PCDHA2: variants seen among roughly 807,000 people sequenced by gnomAD.
PCDHA2 encodes the protein protocadherin alpha-2.
Under a neutral mutation model 66.0 loss-of-function variants are expected in PCDHA2, and 58 were observed. The ratio of observed to expected loss-of-function variants is 0.88; its 90% CI spans 0.71 to 1.09. The LOEUF is 1.09. Ranked by LOEUF, PCDHA2 falls within the 50% of genes least tolerant of loss-of-function variation. The pLI is 0.00. For missense variants in PCDHA2, 1,267 were observed against 1,242.3 expected (o/e 1.02, Z -0.30); for synonymous variants, 634 against 554.0 (o/e 1.14, Z -2.03).
chr5:140,935,144 A>C (rs1289868558), intron 1 of PCDHA2, among the ~76,000 whole-genome samples: 1 of 152,184 alleles, frequency 6.6e-6, no homozygotes, highest in Non-Finnish European at 1.5e-5. Flanking sequence ...TGATACTTAG[A>C]GATATAATCT....
At chr5:140,910,028 T>C (rs1402911275) in intron 1 of PCDHA2, among the ~76,000 whole-genome samples, 4 of 152,222 alleles carry the variant, frequency 2.6e-5, no homozygotes, top group African/African-American at 9.6e-5. Flanking sequence ...ATCCCTGGGA[T>C]AAATCCCACT....
intron 3 of PCDHA2, among the ~76,000 whole-genome samples, chr5:141,004,049 A>T (rs1372116883): frequency 6.6e-6 from 1 of 152,208 alleles, no homozygotes; most frequent in African/African-American, 2.4e-5. Flanking sequence ...TCATTTGCTG[A>T]TACTGGCCCC....
In PCDHA2 at chr5:141,009,947, A is replaced by G; in HGVS notation, c.*10A>G. On this transcript the variant is annotated 3_prime_UTR_variant, in exon 4 of 4. Coordinates refer to ENST00000526136, the MANE Select transcript of PCDHA2 (RefSeq NM_018905.3). ...CAACAGTGACCAGTGAGGTCCTCAAATGGAAACAAGCCACTTAGCCAGTTT... is the reference window on the plus strand; with the variant it reads ...CAACAGTGACCAGTGAGGTCCTCAAGTGGAAACAAGCCACTTAGCCAGTTT... The G allele has an allele frequency of 1.9e-6, 3 of 1,596,272 alleles. No individual in the cohort carries two copies. The South Asian group carries it at 3.4e-5, about 18-fold the overall frequency.
intron 1 of PCDHA2, chr5:140,856,217 G>C: frequency 6.3e-7 from 1 of 1,598,130 alleles, no homozygotes; most frequent in Non-Finnish European, 8.6e-7. Flanking sequence ...GGAGCTGGCG[G>C]AGCTGGTGCA....
intron 1 of PCDHA2, chr5:140,829,395 T>C (rs1554131925): frequency 3.7e-6 from 6 of 1,614,052 alleles, no homozygotes; most frequent in Non-Finnish European, 5.1e-6. Flanking sequence ...TCGCCTTCGC[T>C]GTGGGCCACC....
chr5:140,864,279 T>C (rs1554158753), intron 1 of PCDHA2: 1 of 152,238 alleles, frequency 6.6e-6, no homozygotes, highest in African/African-American at 2.4e-5. Context: ...CCATTCCTTA[T>C]TGTTTTTATG....
In PCDHA2 at chr5:140,858,544, T is replaced by C. The variant is rs782004922; in HGVS notation, c.2388+61192T>C. ...ATATTTCATTTTTGTCTACATTCCA[T>C]TTATGCTTGAATATTTCTAGTGATA... On this transcript the variant is annotated intron_variant, in intron 1 of 3. Transcript: ENST00000526136. 5 of 1,398,226 alleles carry C rather than the reference T, an allele frequency of 3.6e-6. No homozygotes were observed. The South Asian group carries it at 5.0e-5, about 14-fold the overall frequency. 86.6% of individuals were successfully genotyped at this position (1,398,226 alleles called of 1,614,324 possible). A position where few individuals can be genotyped will look rare whatever the true frequency, so the allele number is the denominator to read the frequency against.
At chr5:140,956,629 G>A (rs1554222520) in intron 1 of PCDHA2, among the ~76,000 whole-genome samples, 1 of 152,060 alleles carries the variant, frequency 6.6e-6, no homozygotes, top group Non-Finnish European at 1.5e-5. Flanking sequence ...TTGCATCTCT[G>A]CCAGGTTTTG....
chr5:140,866,542 C>T (rs533433206), intron 1 of PCDHA2: 19 of 152,230 alleles, frequency 1.2e-4, no homozygotes, highest in African/African-American at 3.4e-4. Context: ...ATTAGCATCA[C>T]GGAATAAATC....
intron 3 of PCDHA2, among the ~76,000 whole-genome samples, chr5:141,005,573 G>A (rs947306752): frequency 4.0e-5 from 6 of 151,140 alleles, no homozygotes; most frequent in Admixed American, 1.3e-4. Context: ...ATGGTGGCGC[G>A]TGCCTGTAGT....
At chr5:140,939,672 A>T (rs573857311) in intron 1 of PCDHA2, among the ~76,000 whole-genome samples, 1 of 152,314 alleles carries the variant, frequency 6.6e-6, no homozygotes, top group Non-Finnish European at 1.5e-5. Context: ...ACCAACTTGT[A>T]TGTATGTGTG....
At chr5:140,803,653 C>T (rs781810632) in intron 1 of PCDHA2, 2 of 1,610,548 alleles carry the variant, frequency 1.2e-6, no homozygotes, top group Non-Finnish European at 1.7e-6. Flanking sequence ...AATGTTTCCA[C>T]TCCTCTGGAA....
chr5:140,898,733 A>C (rs1401773719), intron 1 of PCDHA2, among the ~76,000 whole-genome samples: 1 of 152,154 alleles, frequency 6.6e-6, no homozygotes, highest in Non-Finnish European at 1.5e-5. Flanking sequence ...GAAGAAAGTC[A>C]TTGGTAGCTT....
At chr5:140,842,393 C>T in intron 1 of PCDHA2, 4 of 1,611,054 alleles carry the variant, frequency 2.5e-6, no homozygotes, top group Non-Finnish European at 3.4e-6. Context: ...CTTATCCTTG[C>T]CTGTACGTGA....
At chr5:140,848,437 A>C in intron 1 of PCDHA2, 1 of 1,473,718 alleles carries the variant, frequency 6.8e-7, no homozygotes, top group Non-Finnish European at 9.3e-7. Context: ...ACGAAATCAG[A>C]TGATTTCTTC....
At position 140,941,206 on chromosome 5, in the gene PCDHA2, TCTTTCTTC is replaced by T. The variant is rs1268159199; in HGVS notation, c.2389-37735_2389-37728del. Among the ~76,000 whole-genome samples the T allele has an allele frequency of 1.2e-3, 117 of 95,670 alleles. 1 individual carries two copies. The highest frequency in any genetic ancestry group is 8.3e-3 in the South Asian group (27 of 3,240). The allele number at this position is 95,670 out of a possible 152,430, so 62.8% of individuals were successfully genotyped here. A position where few individuals can be genotyped will look rare whatever the true frequency, so the allele number is the denominator to read the frequency against. On this transcript the variant is annotated intron_variant, in intron 1 of 3. Coordinates refer to ENST00000526136, the MANE Select transcript of PCDHA2 (RefSeq NM_018905.3). ...GCTTCTTTTTTTTTCTTTCTTCCTTTCTTTCTTCCTTTCTTTCTTTCTTTCTTTCTTTC... is the reference window on the plus strand; with the variant it reads ...GCTTCTTTTTTTTTCTTTCTTCCTTTCTTTCTTTCTTTCTTTCTTTCTTTC...
chr5:140,893,249 T>A (rs1317089236), intron 1 of PCDHA2, among the ~76,000 whole-genome samples: 2 of 152,220 alleles, frequency 1.3e-5, no homozygotes, highest in African/African-American at 4.8e-5. Context: ...TTTCCTTTTC[T>A]TTGGATAAAT....
At chr5:140,883,190 C>G in intron 1 of PCDHA2, 1 of 1,613,818 alleles carries the variant, frequency 6.2e-7, no homozygotes, top group Non-Finnish European at 8.5e-7. Context: ...AAAAGGCAAA[C>G]TAGATTTCGA....
rs1043733453 is a variant in PCDHA2, at chr5:140,798,794, G to T, written c.2388+1442G>T. Among the ~76,000 whole-genome samples, 83 of 152,130 alleles carry T rather than the reference G, an allele frequency of 5.5e-4. 1 individual carries two copies. The highest frequency in any genetic ancestry group is 8.2e-4 in the Non-Finnish European group (56 of 68,008). ...GACAAGTAAATGTTACACTTGGAAA[G>T]AACTTTTTTAGCTTTTCCAACCAAA... On this transcript the variant is annotated intron_variant, in intron 1 of 3. Coordinates refer to ENST00000526136, the MANE Select transcript of PCDHA2 (RefSeq NM_018905.3).
Sources: gnomAD v4.1 joint callset for allele counts (sites outside exome capture counted in the v4.1 genomes callset) on GRCh38, gnomAD v4.1.1 for gene constraint, MANE v1.5 for transcripts, NCBI Gene and HGNC (gene_info 2026-07-23, HGNC 2026-07-21) for gene names.